Variants in TIAM1 observed in about 807,000 individuals in gnomAD.
TIAM1 encodes the protein rho guanine nucleotide exchange factor TIAM1.
In TIAM1, 65 loss-of-function variants were observed where a neutral mutation model predicts 163.5. The observed-to-expected ratio is 0.40, with a 90% CI of 0.33 to 0.49. The LOEUF (loss-of-function observed/expected upper bound fraction) is 0.49. TIAM1 is among the 20% of genes least tolerant of loss of function. The pLI, the probability that TIAM1 is intolerant of heterozygous loss-of-function variation, is 0.77. For synonymous variants in TIAM1, 833 were observed against 810.1 expected, an observed-to-expected ratio of 1.03 and a Z score of -0.48; for missense variants, 1,789 against 2,044.7, an observed-to-expected ratio of 0.87 and a Z score of 2.41.
chr21:31,458,108 C>T (rs577207254), intron 2 of TIAM1, among the ~76,000 whole-genome samples: 59 of 152,172 alleles, frequency 3.9e-4, no homozygotes, highest in Non-Finnish European at 7.6e-4. Context: ...CTGTGGGCTA[C>T]CCTAACACAT....
intron 25 of TIAM1, 67 bp downstream of exon 25, chr21:31,130,146 C>A: frequency 3.8e-6 from 5 of 1,299,928 alleles, no homozygotes; most frequent in Non-Finnish European, 4.4e-6. Context: ...AGTGTGGATT[C>A]AAACAAATAA....
At chr21:31,131,056 G>T in intron 23 of TIAM1, 108 bp from the exon 24 acceptor site, 3 of 873,898 alleles carry the variant, frequency 3.4e-6, no homozygotes, top group Non-Finnish European at 1.8e-6. Flanking sequence ...AGGACGTTGA[G>T]ATCCCAGTTA....
intron 2 of TIAM1, among the ~76,000 whole-genome samples, chr21:31,391,777 C>T (rs1244400123): frequency 6.6e-6 from 1 of 152,172 alleles, no homozygotes; most frequent in African/African-American, 2.4e-5. Context: ...GGCCTGCTTC[C>T]TTCCACCAAA....
chr21:31,373,872 T>C (rs900419474), intron 2 of TIAM1, among the ~76,000 whole-genome samples: 1 of 152,216 alleles, frequency 6.6e-6, no homozygotes, highest in Admixed American at 6.6e-5. Context: ...ACCTGGTCGT[T>C]CCCTCTTCCT....
rs58786753 is a variant in TIAM1 at position 31,189,044 on chromosome 21, CTTTTTTTTT to C, written c.2576-1966_2576-1958del. ...TCAGGTATGATTTGCTCCATTCCCT[CTTTTTTTTT>C]TTTTTTTTTTTTTTTTTTTGAGATG... On this transcript the variant is annotated intron_variant, in intron 13 of 27. Transcript: ENST00000541036. Among the ~76,000 whole-genome samples, 30 of 70,084 alleles carry C rather than the reference CTTTTTTTTT, an allele frequency of 4.3e-4. No individual in the cohort carries two copies. In the East Asian group the frequency reaches 6.1e-3, roughly 14 times the overall value. 46.0% of individuals were successfully genotyped at this position (70,084 alleles called of 152,430 possible).
chr21:31,228,213 C>CTT (rs1224052189), intron 6 of TIAM1, among the ~76,000 whole-genome samples: 279 of 22,214 alleles, frequency 0.013, 6 homozygotes, highest in African/African-American at 0.022. Context: ...GCCCGGCCTC[C>CTT]TTTTTTTAAA....
chr21:31,356,948 T>C (rs1336937716), intron 2 of TIAM1, among the ~76,000 whole-genome samples: 2 of 152,222 alleles, frequency 1.3e-5, no homozygotes, highest in Non-Finnish European at 2.9e-5. Flanking sequence ...CAAGAGCCCA[T>C]CTTTAAAAAA....
At chr21:31,371,241 C>T (rs879893586) in intron 2 of TIAM1, among the ~76,000 whole-genome samples, 2 of 152,154 alleles carry the variant, frequency 1.3e-5, no homozygotes, top group Non-Finnish European at 2.9e-5. Context: ...GCTTGAGGAC[C>T]TCTGGCCGGT....
At chr21:31,453,785 G>A (rs1285450341) in intron 2 of TIAM1, among the ~76,000 whole-genome samples, 1 of 95,056 alleles carries the variant, frequency 1.1e-5, no homozygotes, top group African/African-American at 4.3e-5. Context: ...ACATTTCCAT[G>A]GGTTAAAAAG....
chr21:31,239,154 G>A (rs542176356), intron 6 of TIAM1, among the ~76,000 whole-genome samples: 7 of 151,260 alleles, frequency 4.6e-5, no homozygotes, highest in South Asian at 4.2e-4. Flanking sequence ...ATAGGGTCTC[G>A]CTCTGCCACC....
At chr21:31,472,391 G>A (rs8128444) in intron 1 of TIAM1, among the ~76,000 whole-genome samples, 103,953 of 151,832 alleles carry the variant, frequency 0.68, 36,145 homozygotes, top group African/African-American at 0.73. Context: ...ACTGGGTGTG[G>A]TAGCACATGC....
In TIAM1 at chr21:31,339,231, C is replaced by A; in HGVS notation, c.-189+12G>T. On this transcript the variant is annotated intron_variant, in intron 2 of 27. Coordinates refer to ENST00000541036, the MANE Select transcript of TIAM1 (RefSeq NM_001353694.2). ...TCCTCATTCCCCAGCCTTTTGCAAA[C>A]GCCACACTTACCCCATTGGAAACAG... 1 of 398,070 alleles carries A rather than the reference C, an allele frequency of 2.5e-6. No homozygotes were observed. The allele number at this position is 398,070 out of a possible 1,614,324, so 24.7% of individuals were successfully genotyped here.
chr21:31,396,538 T>TA (rs2077072710), intron 2 of TIAM1, among the ~76,000 whole-genome samples: 1 of 150,342 alleles, frequency 6.7e-6, no homozygotes, highest in Non-Finnish European at 1.5e-5. Context: ...TCAATAAATA[T>TA]AAAAAATAAT....
chr21:31,124,812 C>G (rs901662044), intron 26 of TIAM1, 118 bp from the exon 27 acceptor site: 1 of 808,590 alleles, frequency 1.2e-6, no homozygotes, highest in Non-Finnish European at 1.8e-6. Flanking sequence ...AAGACTGAGG[C>G]CTTGACTCCA....
intron 14 of TIAM1, among the ~76,000 whole-genome samples, chr21:31,184,442 A>ATCTT (rs1324891142): frequency 1.3e-5 from 2 of 152,020 alleles, no homozygotes; most frequent in Non-Finnish European, 2.9e-5. Context: ...TACCCCCAAT[A>ATCTT]TCTTTCTAGA....
At chr21:31,199,604 C>T (rs971879805) in intron 12 of TIAM1, among the ~76,000 whole-genome samples, 1 of 151,494 alleles carries the variant, frequency 6.6e-6, no homozygotes, top group African/African-American at 2.4e-5. Flanking sequence ...GATATTGGCT[C>T]CCTGTAACCT....
At position 31,154,446 on chromosome 21, in the gene TIAM1, A is replaced by G. The variant is rs376304464; in HGVS notation, c.2992-20T>C. On this transcript the variant is annotated intron_variant, in intron 16 of 27. Coordinates refer to ENST00000541036, the MANE Select transcript of TIAM1 (RefSeq NM_001353694.2). ...TGTACTCTTCGGAGCACAGGGGGGA[A>G]GGGAAGGCAGAGGTCATTATCCCTC... 321 of 1,606,762 alleles carry G rather than the reference A, an allele frequency of 2.0e-4. 1 individual carries two copies. In the African/African-American group the frequency reaches 3.8e-3, roughly 19 times the overall value.
chr21:31,126,869 G>A (rs575049858), intron 26 of TIAM1, among the ~76,000 whole-genome samples, 196 bp downstream of exon 26: 18 of 152,228 alleles, frequency 1.2e-4, no homozygotes, highest in African/African-American at 4.1e-4. Flanking sequence ...ACCTCCATAT[G>A]TGCTCCAAAT....
At chr21:31,122,898 G>A (rs1484186474) in intron 27 of TIAM1, among the ~76,000 whole-genome samples, 1 of 152,194 alleles carries the variant, frequency 6.6e-6, no homozygotes. Context: ...AGACTGACCA[G>A]CTATGCTGTG....
Sources: gnomAD v4.1 joint callset for allele counts (sites outside exome capture counted in the v4.1 genomes callset) on GRCh38, gnomAD v4.1.1 for gene constraint, MANE v1.5 for transcripts, NCBI Gene and HGNC (gene_info 2026-07-23, HGNC 2026-07-21) for gene names.